Variants in VAV3 observed in about 807,000 individuals in gnomAD.
VAV3 encodes guanine nucleotide exchange factor VAV3.
VAV3 carries 94 observed loss-of-function variants against 131.2 expected under a neutral mutation model. The ratio of observed to expected loss-of-function variants is 0.72; its 90% CI spans 0.61 to 0.85. VAV3 has a LOEUF of 0.85. VAV3 is among the 40% of genes least tolerant of loss of function. The pLI is 0.00. For synonymous variants in VAV3, 349 were observed against 342.0 expected, an observed-to-expected ratio of 1.02 and a Z score of -0.22; for missense variants, 939 against 1,002.7, an observed-to-expected ratio of 0.94 and a Z score of 0.86.
chr1:107,803,973 C>T (rs1044177320), intron 2 of VAV3, among the ~76,000 whole-genome samples: 1 of 151,948 alleles, frequency 6.6e-6, no homozygotes, highest in African/African-American at 2.4e-5. Flanking sequence ...TGAATTGACC[C>T]CTTATATTAT....
At chr1:107,880,388 T>G (rs1428163148) in intron 1 of VAV3, among the ~76,000 whole-genome samples, 2 of 152,136 alleles carry the variant, frequency 1.3e-5, no homozygotes, top group African/African-American at 4.8e-5. Context: ...AGATGGACAC[T>G]TCTCTGGACA....
intron 11 of VAV3, among the ~76,000 whole-genome samples, chr1:107,757,010 A>G (rs771623541): frequency 2.0e-5 from 3 of 151,754 alleles, no homozygotes; most frequent in Non-Finnish European, 4.4e-5. Flanking sequence ...TCTAACAATT[A>G]AATCCATGCA....
At chr1:107,886,828 A>G (rs948253468) in intron 1 of VAV3, among the ~76,000 whole-genome samples, 1 of 152,178 alleles carries the variant, frequency 6.6e-6, no homozygotes, top group Non-Finnish European at 1.5e-5. Flanking sequence ...TGGTTAGTAT[A>G]AACTCAAATT....
chr1:107,865,600 G>A (rs971274779), intron 2 of VAV3, among the ~76,000 whole-genome samples: 20 of 152,160 alleles, frequency 1.3e-4, no homozygotes, highest in African/African-American at 4.8e-4. Context: ...AGAAAGGTAG[G>A]CAGAGGCCTG....
chr1:107,701,854 T>C (rs9726347), intron 17 of VAV3, among the ~76,000 whole-genome samples: 83,422 of 151,948 alleles, frequency 0.55, 24,137 homozygotes, highest in Non-Finnish European at 0.63. Flanking sequence ...CCGAACTTCA[T>C]TGTCCACACC....
intron 2 of VAV3, among the ~76,000 whole-genome samples, chr1:107,782,648 C>T (rs1055693971): frequency 6.6e-6 from 1 of 152,200 alleles, no homozygotes. Context: ...CTATTGTACA[C>T]TGAGTCCATC....
chr1:107,807,532 T>C (rs1174445531), intron 2 of VAV3, among the ~76,000 whole-genome samples: 2 of 152,218 alleles, frequency 1.3e-5, no homozygotes. Flanking sequence ...AGCAGGGTCG[T>C]AGTGCTCCAG....
chr1:107,594,927 T>C (rs1651252970), intron 25 of VAV3, among the ~76,000 whole-genome samples: 1 of 152,156 alleles, frequency 6.6e-6, no homozygotes, highest in Admixed American at 6.6e-5. Context: ...TATCTCTTGC[T>C]GCTGGGAAGG....
intron 1 of VAV3, among the ~76,000 whole-genome samples, chr1:107,961,555 T>A (rs541834824): frequency 1.3e-5 from 2 of 152,364 alleles, no homozygotes; most frequent in South Asian, 4.1e-4. Context: ...GCCAACTGCA[T>A]TTTATTTAAC....
chr1:107,602,221 A>T (rs1651920366), intron 24 of VAV3, among the ~76,000 whole-genome samples, 176 bp downstream of exon 24: 1 of 152,126 alleles, frequency 6.6e-6, no homozygotes, highest in South Asian at 2.1e-4. Context: ...CGAGCAATAT[A>T]AAACTTAGAG....
At chr1:107,690,314 A>G (rs906198903) in intron 17 of VAV3, among the ~76,000 whole-genome samples, 9 of 152,114 alleles carry the variant, frequency 5.9e-5, no homozygotes, top group African/African-American at 1.9e-4. Flanking sequence ...GACCCCCAGG[A>G]AGAGGAAACA....
chr1:107,924,195 A>T (rs1673045235), intron 1 of VAV3, among the ~76,000 whole-genome samples: 1 of 152,158 alleles, frequency 6.6e-6, no homozygotes, highest in African/African-American at 2.4e-5. Flanking sequence ...AGTGACAGAA[A>T]TTTGTCAACA....
In VAV3 at chr1:107,652,616, CTT is replaced by C. The variant is rs549724648; in HGVS notation, c.1778-9863_1778-9862del. On this transcript the variant is annotated intron_variant, in intron 19 of 26. Coordinates refer to ENST00000370056, the MANE Select transcript of VAV3 (RefSeq NM_006113.5). ...GTTTACTTGTTAGTATCTATCTCCT[CTT>C]GTTTTCATATATATATTTATATTGC... Among the ~76,000 whole-genome samples, 9 of 152,116 alleles carry C rather than the reference CTT, an allele frequency of 5.9e-5. No homozygotes were observed. In the South Asian group the frequency reaches 1.9e-3, roughly 32 times the overall value.
At chr1:107,642,823 C>A in intron 19 of VAV3, 68 bp from the exon 20 acceptor site, 2 of 1,586,098 alleles carry the variant, frequency 1.3e-6, no homozygotes, top group Non-Finnish European at 8.5e-7. Flanking sequence ...ATGAACTTTA[C>A]AAAAAATGTC....
chr1:107,771,505 G>A (rs1474125293), intron 5 of VAV3, among the ~76,000 whole-genome samples: 3 of 152,176 alleles, frequency 2.0e-5, no homozygotes, highest in African/African-American at 7.2e-5. Flanking sequence ...TGCCTGCCTC[G>A]GCCTCTCAGA....
chr1:107,805,207 A>G (rs1174279215), intron 2 of VAV3, among the ~76,000 whole-genome samples: 1 of 151,928 alleles, frequency 6.6e-6, no homozygotes, highest in Non-Finnish European at 1.5e-5. Context: ...CTCTTTCTCA[A>G]GTTTTGAAAA....
chr1:107,664,998 T>C (rs1045623325), intron 19 of VAV3, among the ~76,000 whole-genome samples: 1 of 152,190 alleles, frequency 6.6e-6, no homozygotes, highest in Non-Finnish European at 1.5e-5. Flanking sequence ...ATAAGTTAGG[T>C]ATGAATCAGC....
Position 107,681,907 on chromosome 1 carries a change from G to A in VAV3, c.1777+1581C>T, listed in dbSNP as rs538613344. On this transcript the variant is annotated intron_variant, in intron 19 of 26. Transcript: ENST00000370056. Reference sequence around the variant, plus strand: ...CATCTCCTGACCTCGTGATCCGCCGGCCTTGACCTCCCAAAGTGCTGGGAT... The same window carrying A: ...CATCTCCTGACCTCGTGATCCGCCGACCTTGACCTCCCAAAGTGCTGGGAT... 3.6e-4 allele frequency among the ~76,000 whole-genome samples: 55 copies of A among 152,118 alleles called. No homozygotes were observed. In the East Asian group the frequency reaches 5.4e-3, roughly 15 times the overall value.
At chr1:107,818,922 T>G (rs926657701) in intron 2 of VAV3, among the ~76,000 whole-genome samples, 1 of 152,212 alleles carries the variant, frequency 6.6e-6, no homozygotes, top group Admixed American at 6.5e-5. Flanking sequence ...AGAATCTTGA[T>G]TCTCATAGTC....
Sources: gnomAD v4.1 joint callset for allele counts (sites outside exome capture counted in the v4.1 genomes callset) on GRCh38, gnomAD v4.1.1 for gene constraint, MANE v1.5 for transcripts, NCBI Gene and HGNC (gene_info 2026-07-23, HGNC 2026-07-21) for gene names.